The following FBXO25 variants were observed in gnomAD, a reference collection of about 807,000 sequenced individuals.
FBXO25 encodes the protein F-box only protein 25.
A neutral mutation model predicts 51.9 loss-of-function variants in FBXO25; 45 were observed. The observed-to-expected ratio is 0.87, with a 90% CI of 0.68 to 1.11. FBXO25 has a LOEUF of 1.11. Ranked by LOEUF, FBXO25 falls within the 50% of genes most tolerant of loss-of-function variation. The pLI is 0.00. For missense variants in FBXO25, 507 were observed against 428.5 expected (o/e 1.18, Z -1.62); for synonymous variants, 199 against 151.0 (o/e 1.32, Z -2.33).
rs138388744 is a variant in FBXO25 at position 437,175 on chromosome 8, C to A, written c.381+1468C>A. Reference sequence around the variant, plus strand: ...TTTAGCCTCATCCTAAACACTAATACCTGTGAAATGGTAAATTTTCTGTCG... The same window carrying A: ...TTTAGCCTCATCCTAAACACTAATAACTGTGAAATGGTAAATTTTCTGTCG... On this transcript the variant is annotated intron_variant, in intron 5 of 9. Coordinates refer to ENST00000350302, the MANE Select transcript of FBXO25 (RefSeq NM_183420.2). 1.7e-4 allele frequency among the ~76,000 whole-genome samples: 26 copies of A among 152,210 alleles called. No homozygotes were observed. In the East Asian group the frequency reaches 3.3e-3, roughly 19 times the overall value.
chr8:445,908 C>G (rs1282615777), intron 5 of FBXO25, among the ~76,000 whole-genome samples: 1 of 152,200 alleles, frequency 6.6e-6, no homozygotes, highest in Non-Finnish European at 1.5e-5. Flanking sequence ...GACTGTATGT[C>G]TCACACCTTG....
rs768641581 is a variant in FBXO25, at chr8:476,810, TTTA to T, written c.*8017_*8019del. On this transcript the variant is annotated 3_prime_UTR_variant, in exon 10 of 10. Transcript: ENST00000350302. The stretch of plus-strand genomic sequence containing the variant: ...TCTCTATTTTGTCTCTGCTCTAATC[TTTA>T]TTATTATTATAATCATCTCCATTCT... 4 of 143,090 alleles carry T rather than the reference TTTA, an allele frequency of 2.8e-5. No homozygotes were observed. The highest frequency in any genetic ancestry group is 8.6e-5 in the African/African-American group (3 of 34,892). The allele number at this position is 143,090 out of a possible 1,614,324, so 8.9% of individuals were successfully genotyped here. A position where few individuals can be genotyped will look rare whatever the true frequency, so the allele number is the denominator to read the frequency against.
chr8:433,563 A>G (rs1441163887), intron 4 of FBXO25, among the ~76,000 whole-genome samples: 2 of 152,118 alleles, frequency 1.3e-5, no homozygotes, highest in African/African-American at 2.4e-5. Context: ...TCTTTTGCCA[A>G]GTTGGGCTAA....
intron 7 of FBXO25, among the ~76,000 whole-genome samples, chr8:454,945 G>A (rs537817920): frequency 6.6e-6 from 1 of 151,294 alleles, no homozygotes; most frequent in South Asian, 2.1e-4. Context: ...TCCAGGTGAT[G>A]GCCTCCTGGT....
chr8:420,077 A>G (rs10113689), intron 2 of FBXO25, among the ~76,000 whole-genome samples: 1 of 152,020 alleles, frequency 6.6e-6, no homozygotes, highest in Non-Finnish European at 1.5e-5. Flanking sequence ...AAATGCAAGC[A>G]ATCCGGAAGG....
At chr8:444,133 C>G (rs1012554416) in intron 5 of FBXO25, among the ~76,000 whole-genome samples, 14 of 152,186 alleles carry the variant, frequency 9.2e-5, no homozygotes, top group African/African-American at 2.9e-4. Flanking sequence ...TGGTGCCTTT[C>G]TAATAATCAC....
chr8:457,607 C>G (rs949967455), intron 7 of FBXO25, among the ~76,000 whole-genome samples: 4 of 152,122 alleles, frequency 2.6e-5, no homozygotes, highest in African/African-American at 9.7e-5. Context: ...TGGAGGTTGT[C>G]TACACAGCAT....
intron 2 of FBXO25, among the ~76,000 whole-genome samples, chr8:417,329 G>C (rs1455524603): frequency 3.3e-5 from 5 of 152,208 alleles, no homozygotes; most frequent in African/African-American, 1.2e-4. Context: ...CAAGACGCAG[G>C]ACAGAAGCAA....
At chr8:454,890 C>CCAAAAAA (rs1799320298) in intron 7 of FBXO25, among the ~76,000 whole-genome samples, 1 of 109,624 alleles carries the variant, frequency 9.1e-6, no homozygotes, top group Non-Finnish European at 1.8e-5. Context: ...GACTCCATCT[C>CCAAAAAA]AAAAAAAGAA....
intron 2 of FBXO25, among the ~76,000 whole-genome samples, chr8:417,778 A>G (rs1333532883): frequency 1.3e-5 from 2 of 152,134 alleles, no homozygotes; most frequent in African/African-American, 2.4e-5. Context: ...ATGGCATTTC[A>G]TTGTTTAGGT....
At chr8:443,121 T>C (rs1798530422) in intron 5 of FBXO25, among the ~76,000 whole-genome samples, 2 of 151,200 alleles carry the variant, frequency 1.3e-5, no homozygotes, top group African/African-American at 4.9e-5. Flanking sequence ...AATTTGACCT[T>C]GTAACTGATG....
intron 5 of FBXO25, among the ~76,000 whole-genome samples, chr8:449,140 A>G (rs543422671): frequency 6.6e-6 from 1 of 152,394 alleles, no homozygotes; most frequent in South Asian, 2.1e-4. Context: ...GTTGTACGTA[A>G]GAAGCACACC....
chr8:423,241 A>G (rs1008130231), intron 2 of FBXO25, among the ~76,000 whole-genome samples: 1 of 152,208 alleles, frequency 6.6e-6, no homozygotes, highest in Non-Finnish European at 1.5e-5. Flanking sequence ...AGCTGGGGCT[A>G]GAGTCTTCAC....
chr8:469,398 GGTC>G lies in FBXO25; in HGVS notation c.*595_*597del. 6.6e-6 allele frequency: 1 copy of G among 152,536 alleles called. No homozygotes were observed. Among genetic ancestry groups the G allele is most frequent in the Non-Finnish European group, 1.5e-5 (1 of 68,242 alleles). 9.4% of individuals were successfully genotyped at this position (152,536 alleles called of 1,614,324 possible). On this transcript the variant is annotated 3_prime_UTR_variant, in exon 10 of 10. Coordinates refer to ENST00000350302, the MANE Select transcript of FBXO25 (RefSeq NM_183420.2). Reference sequence around the variant, plus strand: ...CACACGCAGCCCAACAACGGGCAGTGGTCTCTGTGCTCCTAGGCATCCAGCACA... The same window carrying G: ...CACACGCAGCCCAACAACGGGCAGTGTCTGTGCTCCTAGGCATCCAGCACA...
chr8:408,404 A>G (rs1294541161), intron 1 of FBXO25, among the ~76,000 whole-genome samples: 1 of 152,252 alleles, frequency 6.6e-6, no homozygotes. Flanking sequence ...TATTATAAAC[A>G]TAGTGGTTAG....
intron 4 of FBXO25, 112 bp downstream of exon 4, chr8:433,047 A>G: frequency 1.6e-6 from 2 of 1,253,332 alleles, no homozygotes; most frequent in South Asian, 1.5e-5. Context: ...CTTTTGCAAT[A>G]TCAGATCTAT....
chr8:451,262 ATT>A lies in FBXO25; in HGVS notation c.476-6_476-5del. 4 of 1,584,008 alleles carry A rather than the reference ATT, an allele frequency of 2.5e-6. No individual in the cohort carries two copies. The Admixed American group carries it at 7.9e-5, about 31-fold the overall frequency. ...TCAATCCATAGTTTTATTTTTATTT[ATT>A]CCAGTTCTTGATGACCACCACAATC... On this transcript the variant is annotated splice_region_variant and splice_polypyrimidine_tract_variant and intron_variant, in intron 6 of 9. Transcript: ENST00000350302.
At chr8:415,220 C>T (rs563679935) in intron 2 of FBXO25, among the ~76,000 whole-genome samples, 4 of 152,266 alleles carry the variant, frequency 2.6e-5, no homozygotes, top group South Asian at 2.1e-4. Flanking sequence ...CAAGATTCTA[C>T]GTAACTTTGT....
At chr8:429,285 C>T (rs1434413763) in intron 2 of FBXO25, among the ~76,000 whole-genome samples, 2 of 152,102 alleles carry the variant, frequency 1.3e-5, no homozygotes, top group African/African-American at 4.8e-5. Flanking sequence ...TTTGCATTTA[C>T]CTAACAATTG....
Sources: allele counts gnomAD v4.1 joint callset (sites outside exome capture counted in the v4.1 genomes callset), GRCh38; gene constraint gnomAD v4.1.1; transcripts MANE v1.5; gene names NCBI Gene and HGNC (gene_info 2026-07-23, HGNC 2026-07-21).